The following SORL1 variants were observed in gnomAD, a reference collection of about 807,000 sequenced individuals.
The protein encoded by SORL1 is sortilin-related receptor.
In SORL1, 127 loss-of-function variants were observed where a neutral mutation model predicts 273.7. That is an observed-to-expected ratio of 0.46 (90% CI 0.40 to 0.54). SORL1 has a LOEUF of 0.54. Among genes scored for constraint, SORL1 ranks in the 20% least tolerant of loss-of-function variants. The pLI, the probability that SORL1 is intolerant of heterozygous loss-of-function variation, is 0.00. For synonymous variants in SORL1, 1,031 were observed against 1,067.4 expected, an observed-to-expected ratio of 0.97 and a Z score of 0.66; for missense variants, 2,494 against 2,846.1, an observed-to-expected ratio of 0.88 and a Z score of 2.81.
In SORL1 at chr11:121,607,208, C is replaced by T; in HGVS notation, c.5084C>T (p.Ser1695Phe). ...TAGGTAGAATACAGCAGGAGTGGTT[C>T]CAAGATGTGGGCCTCCCAGAGGGCT... ...EYIVEYSRSG[S>F]KMWASQRAAS... Residue 1695 changes from serine (S) to phenylalanine (F), a missense_variant, in exon 37 of 48, where the codon TCC becomes TTC. Coordinates refer to ENST00000260197, the MANE Select transcript of SORL1 (RefSeq NM_003105.6). 1 of 1,610,858 alleles carries T rather than the reference C, an allele frequency of 6.2e-7. No individual in the cohort carries two copies. Among genetic ancestry groups the T allele is most frequent in the African/African-American group, 1.3e-5 (1 of 74,908 alleles).
At chr11:121,491,360 A>T (rs1861550198) in intron 5 of SORL1, among the ~76,000 whole-genome samples, 1 of 152,212 alleles carries the variant, frequency 6.6e-6, no homozygotes. Flanking sequence ...TATTACAGTG[A>T]TAAAGTAGTA....
At chr11:121,570,911 G>A (rs1357776061) in intron 23 of SORL1, among the ~76,000 whole-genome samples, 1 of 152,196 alleles carries the variant, frequency 6.6e-6, no homozygotes, top group African/African-American at 2.4e-5. Flanking sequence ...TATTAACCAT[G>A]AATTTTCACT....
intron 5 of SORL1, among the ~76,000 whole-genome samples, chr11:121,490,867 G>A (rs1861542842): frequency 6.6e-6 from 1 of 152,088 alleles, no homozygotes; most frequent in Non-Finnish European, 1.5e-5. Context: ...AGTTATTAAG[G>A]AGAGGTAAGG....
chr11:121,460,543 G>A (rs751890825), intron 1 of SORL1, among the ~76,000 whole-genome samples: 37 of 151,906 alleles, frequency 2.4e-4, no homozygotes, highest in Middle Eastern at 3.4e-3. Flanking sequence ...TTACAGGTGC[G>A]CACCACCACG....
At chr11:121,607,106 C>G in intron 36 of SORL1, 80 bp from the exon 37 acceptor site, 1 of 1,059,890 alleles carries the variant, frequency 9.4e-7, no homozygotes, top group Non-Finnish European at 1.5e-6. Context: ...TCTTTTCTCT[C>G]CTCCAGCCTC....
intron 39 of SORL1, chr11:121,612,428 T>C (rs1226521120): frequency 4.3e-6 from 1 of 232,108 alleles, no homozygotes; most frequent in East Asian, 1.2e-4. Flanking sequence ...ATCTTTCCAG[T>C]GTTTCCTCTT....
chr11:121,498,753 G>A (rs1861666868), intron 6 of SORL1, among the ~76,000 whole-genome samples: 1 of 151,986 alleles, frequency 6.6e-6, no homozygotes, highest in Non-Finnish European at 1.5e-5. Flanking sequence ...GCACATGCTT[G>A]TAATCCCAGC....
chr11:121,495,503 A>T, intron 5 of SORL1, among the ~76,000 whole-genome samples: 1 of 152,182 alleles, frequency 6.6e-6, no homozygotes, highest in East Asian at 1.9e-4. Flanking sequence ...TACCTTCATT[A>T]TTCTGAGAGC....
At chr11:121,580,598 C>T (rs1375804706) in intron 25 of SORL1, among the ~76,000 whole-genome samples, 1 of 140,840 alleles carries the variant, frequency 7.1e-6, no homozygotes, top group African/African-American at 2.7e-5. Context: ...TTTCCTCATG[C>T]ACTTACTTTT....
intron 3 of SORL1, 148 bp downstream of exon 3, chr11:121,478,391 A>G (rs1861314917): frequency 2.2e-6 from 2 of 914,704 alleles, no homozygotes; most frequent in Non-Finnish European, 3.2e-6. Flanking sequence ...TAACCTGGGC[A>G]TTTGTGACAG....
At chr11:121,587,764 A>G (rs1327722289) in intron 27 of SORL1, among the ~76,000 whole-genome samples, 1 of 152,174 alleles carries the variant, frequency 6.6e-6, no homozygotes, top group Non-Finnish European at 1.5e-5. Context: ...CAAAATACTT[A>G]ATGCTACTGC....
intron 19 of SORL1, 77 bp downstream of exon 19, chr11:121,557,482 G>A (rs1397827214): frequency 7.1e-6 from 8 of 1,120,532 alleles, no homozygotes; most frequent in South Asian, 3.8e-5. Context: ...CACAGACTGC[G>A]GGACAAAAAC....
At chr11:121,626,267 A>C (rs931075270) in intron 46 of SORL1, 8 of 152,220 alleles carry the variant, frequency 5.3e-5, no homozygotes, top group African/African-American at 1.9e-4. Flanking sequence ...CTCTTGGCCA[A>C]CATCTTGCCC....
chr11:121,452,755 C>A lies in SORL1; in HGVS notation c.285+139C>A. ...CCGGCTTGCATTTGTTTTTTTCCTT[C>A]ACGAGTACAACCGTCAGCACTTGAA... On this transcript the variant is annotated intron_variant, in intron 1 of 47. Coordinates refer to ENST00000260197, the MANE Select transcript of SORL1 (RefSeq NM_003105.6). The surrounding 1 kb of genome is among the most constrained non-coding windows in gnomAD (Gnocchi z 5.3). The A allele has an allele frequency of 1.4e-6, 1 of 697,458 alleles. No individual in the cohort carries two copies. The allele number at this position is 697,458 out of a possible 1,614,324, so 43.2% of individuals were successfully genotyped here.
intron 25 of SORL1, 85 bp from the exon 26 acceptor site, chr11:121,583,373 A>C: frequency 6.9e-7 from 1 of 1,459,376 alleles, no homozygotes; most frequent in Non-Finnish European, 9.1e-7. Context: ...ACCTCATGCA[A>C]ACCTCTTTTC....
In SORL1 at chr11:121,591,159, G is replaced by A; in HGVS notation, c.4369+3G>A. 1.2e-6 allele frequency: 2 copies of A among 1,614,092 alleles called. No homozygotes were observed. Among genetic ancestry groups the A allele is most frequent in the Non-Finnish European group, 1.7e-6 (2 of 1,180,004 alleles). On this transcript the variant is annotated splice_donor_region_variant and intron_variant, in intron 31 of 47. Transcript: ENST00000260197. Reference sequence around the variant, plus strand: ...CGAGGAAGCCTGCCCCTTGCTTGGTGAGTTCTGGCCCAGGTCCTCTCCTGT... The same window carrying A: ...CGAGGAAGCCTGCCCCTTGCTTGGTAAGTTCTGGCCCAGGTCCTCTCCTGT...
chr11:121,610,999 A>T (rs1863554708), intron 38 of SORL1, 77 bp from the exon 39 acceptor site: 4 of 940,550 alleles, frequency 4.3e-6, no homozygotes, highest in Non-Finnish European at 6.9e-6. Flanking sequence ...TTGTCCGTTG[A>T]GTTGAAAACT....
At chr11:121,500,079 TTG>T (rs1422781803) in intron 6 of SORL1, among the ~76,000 whole-genome samples, 1 of 152,238 alleles carries the variant, frequency 6.6e-6, no homozygotes, top group Non-Finnish European at 1.5e-5. Flanking sequence ...TCCTTGCTTT[TTG>T]ACATGAAGTT....
Position 121,619,899 on chromosome 11 carries a change from C to T in SORL1, c.5871C>T (p.Asp1957=). 6.2e-7 allele frequency: 1 copy of T among 1,613,872 alleles called. No homozygotes were observed. Among genetic ancestry groups the T allele is most frequent in the South Asian group, 1.1e-5 (1 of 91,070 alleles). ...TCATCAAGTGGGAATCACCGTATGACTCTCCTGACCAGGACTTGGTGAGTG... is the reference window on the plus strand; with the variant it reads ...TCATCAAGTGGGAATCACCGTATGATTCTCCTGACCAGGACTTGGTGAGTG... ...SVVIKWESPY[D]SPDQDLLYAV... The change falls in exon 43 of 48, where the codon GAC becomes GAT. Residue 1957 remains aspartate, a synonymous_variant. Coordinates refer to ENST00000260197, the MANE Select transcript of SORL1 (RefSeq NM_003105.6).
Sources: allele counts gnomAD v4.1 joint callset (sites outside exome capture counted in the v4.1 genomes callset), GRCh38; gene constraint gnomAD v4.1.1; non-coding constraint Gnocchi (gnomAD v3.1); transcripts MANE v1.5; gene names NCBI Gene and HGNC (gene_info 2026-07-23, HGNC 2026-07-21).